DIS3L2: variants seen among roughly 807,000 people sequenced by gnomAD.
DIS3L2 encodes DIS3 like 3'-5' exoribonuclease 2.
A neutral mutation model predicts 97.5 loss-of-function variants in DIS3L2; 34 were observed. The ratio of observed to expected loss-of-function variants is 0.35; its 90% CI spans 0.27 to 0.46. The LOEUF is 0.46. Ranked by LOEUF, DIS3L2 falls within the 20% of genes least tolerant of loss-of-function variation. The pLI is 1.00. For synonymous variants in DIS3L2, 435 were observed against 445.2 expected (o/e 0.98, Z 0.29); for missense variants, 1,038 against 1,146.0 (o/e 0.91, Z 1.36).
chr2:232,294,313 G>A (rs1469141058), intron 13 of DIS3L2, among the ~76,000 whole-genome samples: 1 of 152,286 alleles, frequency 6.6e-6, no homozygotes, highest in Non-Finnish European at 1.5e-5. Context: ...AGCAGGACAG[G>A]GGAATGAATA....
chr2:232,144,935 C>G (rs1690178204), intron 8 of DIS3L2, among the ~76,000 whole-genome samples: 1 of 152,178 alleles, frequency 6.6e-6, no homozygotes. Context: ...TTATCGGGGG[C>G]ACATAATGTC....
chr2:232,140,076 A>G (rs936881430), intron 8 of DIS3L2, among the ~76,000 whole-genome samples: 2 of 152,150 alleles, frequency 1.3e-5, no homozygotes, highest in Admixed American at 1.3e-4. Flanking sequence ...TCGAAAATCA[A>G]ACTTGCCATT....
chr2:232,299,151 T>C (rs1331350427), intron 13 of DIS3L2, among the ~76,000 whole-genome samples: 3 of 152,206 alleles, frequency 2.0e-5, no homozygotes, highest in Non-Finnish European at 4.4e-5. Context: ...CCAGCATATC[T>C]TGTTGATTCG....
intron 3 of DIS3L2, among the ~76,000 whole-genome samples, chr2:232,018,681 CT>C (rs1694422738): frequency 6.6e-6 from 1 of 151,398 alleles, no homozygotes; most frequent in Admixed American, 6.6e-5. Flanking sequence ...AGAGAAGAAA[CT>C]TTTATCGAGA....
intron 14 of DIS3L2, among the ~76,000 whole-genome samples, chr2:232,301,750 T>C (rs1356153154): frequency 2.6e-5 from 4 of 152,126 alleles, no homozygotes; most frequent in Non-Finnish European, 4.4e-5. Context: ...CTCTCTGTCC[T>C]TTAAGTTTAT....
intron 10 of DIS3L2, among the ~76,000 whole-genome samples, chr2:232,220,747 C>G (rs772931617): frequency 5.9e-5 from 9 of 151,924 alleles, no homozygotes; most frequent in Non-Finnish European, 1.3e-4. Context: ...GTATAAAAAT[C>G]TAAGTATTCC....
At chr2:232,172,467 CAG>C (rs1691019073) in intron 9 of DIS3L2, among the ~76,000 whole-genome samples, 2 of 152,186 alleles carry the variant, frequency 1.3e-5, no homozygotes, top group Admixed American at 1.3e-4. Flanking sequence ...TTAAATATAT[CAG>C]AACGTAATTC....
chr2:232,262,493 A>G (rs1693737330), intron 12 of DIS3L2, among the ~76,000 whole-genome samples: 1 of 152,202 alleles, frequency 6.6e-6, no homozygotes, highest in Admixed American at 6.5e-5. Flanking sequence ...GCTTTCCCCT[A>G]GAAGACATTT....
chr2:232,254,940 A>G (rs1336236378), intron 12 of DIS3L2, among the ~76,000 whole-genome samples: 1 of 152,226 alleles, frequency 6.6e-6, no homozygotes, highest in Non-Finnish European at 1.5e-5. Flanking sequence ...ACTGTTGGTT[A>G]TCCAAACACC....
chr2:232,187,435 G>C (rs779763034), intron 9 of DIS3L2, among the ~76,000 whole-genome samples: 3 of 152,050 alleles, frequency 2.0e-5, no homozygotes. Flanking sequence ...ACAAAAACTT[G>C]TACATGAATT....
rs546927747 is a variant in DIS3L2 at position 232,336,835 on chromosome 2, G to T, written c.*205G>T. 2.1e-6 allele frequency: 3 copies of T among 1,403,914 alleles called. No individual in the cohort carries two copies. The South Asian group carries it at 4.6e-5, about 21-fold the overall frequency. The allele number at this position is 1,403,914 out of a possible 1,614,324, so 87.0% of individuals were successfully genotyped here. On this transcript the variant is annotated 3_prime_UTR_variant, in exon 21 of 21. Transcript: ENST00000325385. ...TGGAAGGAAGGCTGAGGCCTGGTCA[G>T]CAGTGACCCCAGCAGAGCAGGCCCC...
At chr2:232,267,617 G>C (rs766174510) in intron 13 of DIS3L2, among the ~76,000 whole-genome samples, 2 of 152,182 alleles carry the variant, frequency 1.3e-5, no homozygotes, top group African/African-American at 4.8e-5. Flanking sequence ...TGTAGTAAAA[G>C]GAATCATAAT....
rs1692980797 is a variant in DIS3L2, at chr2:231,973,507, A to G, written c.-94+11742A>G. On this transcript the variant is annotated intron_variant, in intron 1 of 20. Coordinates refer to ENST00000325385, the MANE Select transcript of DIS3L2 (RefSeq NM_152383.5). ...TAATAAAATATGGGAAGACCTGACT[A>G]TGAGGGTAGAGATCAAGGCTAAATA... 2.0e-5 allele frequency among the ~76,000 whole-genome samples: 3 copies of G among 152,174 alleles called. 1 individual carries two copies. The highest frequency in any genetic ancestry group is 4.4e-5 in the Non-Finnish European group (3 of 68,022).
chr2:232,341,927 AC>A (rs995624768), downstream of DIS3L2, among the ~76,000 whole-genome samples: 1 of 152,002 alleles, frequency 6.6e-6, no homozygotes, highest in Non-Finnish European at 1.5e-5. Flanking sequence ...AGCCACGCAG[AC>A]CCCCAACCTG....
intron 6 of DIS3L2, among the ~76,000 whole-genome samples, chr2:232,112,578 T>C (rs1226387850): frequency 6.6e-6 from 1 of 152,106 alleles, no homozygotes; most frequent in Non-Finnish European, 1.5e-5. Context: ...AGACCATGAG[T>C]AGACTCCTGT....
intron 2 of DIS3L2, 94 bp downstream of exon 2, chr2:232,015,073 G>A (rs1357045446): frequency 6.4e-6 from 8 of 1,247,164 alleles, no homozygotes; most frequent in Non-Finnish European, 9.2e-6. Context: ...TAGGACTGAG[G>A]GCTACTATAA....
chr2:232,065,621 G>A (rs1695834223), intron 5 of DIS3L2, among the ~76,000 whole-genome samples: 1 of 151,726 alleles, frequency 6.6e-6, no homozygotes, highest in Non-Finnish European at 1.5e-5. Context: ...TTAATATTTA[G>A]TGGTATTTGT....
intron 9 of DIS3L2, among the ~76,000 whole-genome samples, chr2:232,185,570 T>G (rs1360198498): frequency 6.6e-6 from 1 of 152,142 alleles, no homozygotes; most frequent in Non-Finnish European, 1.5e-5. Context: ...CATGGTGGCT[T>G]ATGCCTGTAA....
intron 5 of DIS3L2, among the ~76,000 whole-genome samples, chr2:232,060,103 G>A (rs192847325): frequency 3.9e-5 from 6 of 152,086 alleles, no homozygotes; most frequent in Non-Finnish European, 8.8e-5. Flanking sequence ...GGATATCTGC[G>A]AAATAGTTTG....
Sources: gnomAD v4.1 joint callset for allele counts (sites outside exome capture counted in the v4.1 genomes callset) on GRCh38, gnomAD v4.1.1 for gene constraint, MANE v1.5 for transcripts, NCBI Gene and HGNC (gene_info 2026-07-23, HGNC 2026-07-21) for gene names.